The following C8orf34 variants were observed in gnomAD, a reference collection of about 807,000 sequenced individuals.
C8orf34 encodes chromosome 8 open reading frame 34.
A neutral mutation model predicts 68.3 loss-of-function variants in C8orf34; 65 were observed. The ratio of observed to expected loss-of-function variants is 0.95; its 90% CI spans 0.78 to 1.17. The LOEUF is 1.17. Among genes scored for constraint, C8orf34 ranks in the 50% most tolerant of loss-of-function variants. C8orf34 has a pLI of 0.00. For synonymous variants in C8orf34, 244 were observed against 241.2 expected (o/e 1.01, Z -0.11); for missense variants, 664 against 655.4 (o/e 1.01, Z -0.14).
At position 68,494,981 on chromosome 8, in the gene C8orf34, C is replaced by A. The variant is rs1412711052; in HGVS notation, c.765+6930C>A. Among the ~76,000 whole-genome samples the A allele has an allele frequency of 2.0e-5, 3 of 151,368 alleles. No individual in the cohort carries two copies. In the South Asian group the frequency reaches 6.2e-4, roughly 31 times the overall value. The stretch of plus-strand genomic sequence containing the variant: ...GTATATATTCTTTATAACATCAGTA[C>A]ATTCACAGGAGCTCTTAGAATAGTG... On this transcript the variant is annotated intron_variant, in intron 5 of 13. Transcript: ENST00000518698.
At chr8:68,395,261 T>C (rs999212448) in intron 1 of C8orf34, among the ~76,000 whole-genome samples, 1 of 151,490 alleles carries the variant, frequency 6.6e-6, no homozygotes, top group African/African-American at 2.4e-5. Flanking sequence ...CCTGGACATA[T>C]AACTATTGGG....
At position 68,447,230 on chromosome 8, in the gene C8orf34, C is replaced by T. The variant is rs980414348; in HGVS notation, c.607+770C>T. The T allele has an allele frequency of 3.3e-5, 5 of 152,164 alleles. 1 individual carries two copies. The highest frequency in any genetic ancestry group is 1.2e-4 in the African/African-American group (5 of 41,436). The allele number at this position is 152,164 out of a possible 1,614,324, so 9.4% of individuals were successfully genotyped here. On this transcript the variant is annotated intron_variant, in intron 3 of 13. Coordinates refer to ENST00000518698, the MANE Select transcript of C8orf34 (RefSeq NM_052958.4). ...TAAGAACCAACAGAGTGAGAAGTCA[C>T]TCCTTACCATGAGGACAGCACCAAG...
intron 7 of C8orf34, among the ~76,000 whole-genome samples, chr8:68,618,613 C>T (rs781332943): frequency 1.3e-5 from 2 of 152,072 alleles, no homozygotes; most frequent in African/African-American, 2.4e-5. Flanking sequence ...AGTAATCCTC[C>T]TGCCTCAGCT....
intron 10 of C8orf34, among the ~76,000 whole-genome samples, chr8:68,772,059 C>T (rs1474160584): frequency 1.3e-5 from 2 of 152,116 alleles, no homozygotes; most frequent in Non-Finnish European, 2.9e-5. Context: ...CCATTCATAT[C>T]GAGCTCCCAT....
chr8:68,608,025 T>G (rs1245750745), intron 7 of C8orf34, among the ~76,000 whole-genome samples: 4 of 150,574 alleles, frequency 2.7e-5, no homozygotes, highest in Non-Finnish European at 4.4e-5. Flanking sequence ...GAACAGATAG[T>G]AGGAAACAAT....
At chr8:68,356,806 A>G (rs931613026) in intron 1 of C8orf34, among the ~76,000 whole-genome samples, 1 of 152,120 alleles carries the variant, frequency 6.6e-6, no homozygotes, top group Non-Finnish European at 1.5e-5. Flanking sequence ...ATAATTTTAG[A>G]TTGGAAGTTT....
chr8:68,515,264 G>GTT (rs910138981), intron 5 of C8orf34, among the ~76,000 whole-genome samples: 2 of 142,800 alleles, frequency 1.4e-5, no homozygotes, highest in Non-Finnish European at 3.1e-5. Flanking sequence ...CACTTATTTA[G>GTT]TTTTTTTTTT....
At chr8:68,711,277 A>C (rs1212105209) in intron 9 of C8orf34, among the ~76,000 whole-genome samples, 2 of 152,204 alleles carry the variant, frequency 1.3e-5, no homozygotes, top group Non-Finnish European at 2.9e-5. Flanking sequence ...CACCCTCAAA[A>C]GATCATACGA....
At chr8:68,384,875 A>G (rs559223681) in intron 1 of C8orf34, among the ~76,000 whole-genome samples, 1 of 152,304 alleles carries the variant, frequency 6.6e-6, no homozygotes, top group South Asian at 2.1e-4. Flanking sequence ...AACAGATGAC[A>G]TGAGAGTGTA....
intron 8 of C8orf34, among the ~76,000 whole-genome samples, chr8:68,645,205 G>C (rs79505579): frequency 0.05 from 7,601 of 152,184 alleles, 204 homozygotes; most frequent in Middle Eastern, 0.12. Context: ...TTAAAAGCTG[G>C]GTTTTTAGCT....
intron 8 of C8orf34, among the ~76,000 whole-genome samples, chr8:68,647,378 AG>A (rs1401599697): frequency 1.1e-4 from 16 of 152,344 alleles, no homozygotes; most frequent in African/African-American, 2.9e-4. Context: ...ATTATTGAAA[AG>A]CGTGGAGTTT....
In C8orf34 at chr8:68,818,598, G is replaced by T; in HGVS notation, c.*352G>T. ...ATTTTTCTGTATTTTAACTTGTCTA[G>T]GGTTTTCTACTTCTTCTATTTTTAT... On this transcript the variant is annotated 3_prime_UTR_variant, in exon 14 of 14. Transcript: ENST00000518698. 5.1e-6 allele frequency: 1 copy of T among 194,796 alleles called. No individual in the cohort carries two copies. The highest frequency in any genetic ancestry group is 1.2e-4 in the East Asian group (1 of 8,016). 12.1% of individuals were successfully genotyped at this position (194,796 alleles called of 1,614,324 possible). A position where few individuals can be genotyped will look rare whatever the true frequency, so the allele number is the denominator to read the frequency against.
chr8:68,357,267 T>A (rs903886345), intron 1 of C8orf34, among the ~76,000 whole-genome samples: 1 of 152,194 alleles, frequency 6.6e-6, no homozygotes, highest in African/African-American at 2.4e-5. Context: ...AGTTGTATAG[T>A]AATGATATAA....
rs1811964375 is a variant in C8orf34 at position 68,463,719 on chromosome 8, AG to A, written c.608-4971del. The stretch of plus-strand genomic sequence containing the variant: ...ATGATTATCTCAATAGATGCAGAAA[AG>A]GCCTTTGAAAAAATTCAACAACGCT... On this transcript the variant is annotated intron_variant, in intron 3 of 13. Transcript: ENST00000518698. 2.0e-5 allele frequency among the ~76,000 whole-genome samples: 3 copies of A among 152,324 alleles called. 1 individual carries two copies. The highest frequency in any genetic ancestry group is 1.9e-4 in the East Asian group (1 of 5,188).
intron 10 of C8orf34, among the ~76,000 whole-genome samples, chr8:68,749,126 C>G (rs951814918): frequency 6.6e-6 from 1 of 151,724 alleles, no homozygotes; most frequent in African/African-American, 2.4e-5. Context: ...TCTCAGTAAA[C>G]TATCGCAAGA....
chr8:68,423,698 A>G (rs1260717597), intron 1 of C8orf34, among the ~76,000 whole-genome samples: 2 of 152,088 alleles, frequency 1.3e-5, no homozygotes, highest in Non-Finnish European at 2.9e-5. Flanking sequence ...GTATGAATTT[A>G]CTGTATTAGG....
chr8:68,753,766 G>A (rs890471332), intron 10 of C8orf34, among the ~76,000 whole-genome samples: 2 of 152,182 alleles, frequency 1.3e-5, no homozygotes, highest in Non-Finnish European at 2.9e-5. Context: ...TTTCATTGAG[G>A]AATGTGGTTT....
At chr8:68,597,467 C>A (rs1176373085) in intron 7 of C8orf34, among the ~76,000 whole-genome samples, 1 of 151,978 alleles carries the variant, frequency 6.6e-6, no homozygotes, top group Non-Finnish European at 1.5e-5. Flanking sequence ...AAAGCATGAA[C>A]TTTACATTGA....
At chr8:68,358,675 G>A (rs1384058276) in intron 1 of C8orf34, among the ~76,000 whole-genome samples, 2 of 151,530 alleles carry the variant, frequency 1.3e-5, no homozygotes, top group African/African-American at 2.4e-5. Flanking sequence ...TTTGGAGGGG[G>A]GGTGTTTATT....
Sources: allele counts gnomAD v4.1 joint callset (sites outside exome capture counted in the v4.1 genomes callset), GRCh38; gene constraint gnomAD v4.1.1; transcripts MANE v1.5; gene names NCBI Gene and HGNC (gene_info 2026-07-23, HGNC 2026-07-21).